TGFBR3: variants seen among roughly 807,000 people sequenced by gnomAD.
TGFBR3 encodes the protein transforming growth factor beta receptor type 3.
In TGFBR3, 46 loss-of-function variants were observed where a neutral mutation model predicts 87.9. The ratio of observed to expected loss-of-function variants is 0.52; its 90% CI spans 0.41 to 0.67. The LOEUF (loss-of-function observed/expected upper bound fraction) is 0.67, where lower values mean the gene tolerates loss of function less well. Among genes scored for constraint, TGFBR3 ranks in the 30% least tolerant of loss-of-function variants. TGFBR3 has a pLI of 0.00. For missense variants in TGFBR3, 866 were observed against 1,041.9 expected (o/e 0.83, Z 2.32); for synonymous variants, 381 against 391.6 (o/e 0.97, Z 0.32).
At chr1:91,822,293 TAAAAAAAAAAAA>T (rs71087974) in intron 2 of TGFBR3, among the ~76,000 whole-genome samples, 1 of 93,338 alleles carries the variant, frequency 1.1e-5, no homozygotes. Context: ...AGCAAAGCAT[TAAAAAAAAAAAA>T]AAAAAAAAAA....
intron 4 of TGFBR3, among the ~76,000 whole-genome samples, chr1:91,740,383 T>TA (rs1236737353): frequency 6.7e-6 from 1 of 148,968 alleles, no homozygotes; most frequent in Non-Finnish European, 1.5e-5. Context: ...TTTTTTTTTT[T>TA]AGATGGAGTC....
At chr1:91,754,577 G>A (rs1043199452) in intron 4 of TGFBR3, among the ~76,000 whole-genome samples, 2 of 152,198 alleles carry the variant, frequency 1.3e-5, no homozygotes, top group African/African-American at 4.8e-5. Flanking sequence ...TGCACCTGCA[G>A]AGAAAACCAA....
At chr1:91,778,889 T>C (rs963291008) in intron 3 of TGFBR3, among the ~76,000 whole-genome samples, 2 of 152,158 alleles carry the variant, frequency 1.3e-5, no homozygotes, top group African/African-American at 4.8e-5. Flanking sequence ...GCTATGACTA[T>C]TTTAAATGGG....
intron 3 of TGFBR3, among the ~76,000 whole-genome samples, chr1:91,769,571 C>A (rs1447169224): frequency 6.6e-6 from 1 of 152,108 alleles, no homozygotes; most frequent in Non-Finnish European, 1.5e-5. Context: ...TTCACTCTAG[C>A]CAGACTTGGA....
chr1:91,726,153 G>A (rs1672542307), intron 7 of TGFBR3, among the ~76,000 whole-genome samples: 1 of 152,132 alleles, frequency 6.6e-6, no homozygotes, highest in South Asian at 2.1e-4. Context: ...TATGAGAGAT[G>A]GGGACATTCA....
At chr1:91,865,636 G>A (rs1183428687) in intron 1 of TGFBR3, among the ~76,000 whole-genome samples, 10 of 152,164 alleles carry the variant, frequency 6.6e-5, no homozygotes, top group Non-Finnish European at 1.5e-4. Context: ...AACTTGGCCG[G>A]GCGCGGTGGC....
At chr1:91,749,318 A>G (rs578069107) in intron 4 of TGFBR3, among the ~76,000 whole-genome samples, 64 of 152,232 alleles carry the variant, frequency 4.2e-4, no homozygotes, top group Non-Finnish European at 7.8e-4. Context: ...CCAGGTATAC[A>G]CTGTGTCATT....
At chr1:91,838,327 T>C (rs1677132580) in intron 2 of TGFBR3, among the ~76,000 whole-genome samples, 1 of 152,224 alleles carries the variant, frequency 6.6e-6, no homozygotes, top group Non-Finnish European at 1.5e-5. Flanking sequence ...AATTTTTAAA[T>C]ATTTATTAAT....
intron 5 of TGFBR3, among the ~76,000 whole-genome samples, chr1:91,731,872 G>T (rs1308134381): frequency 1.3e-5 from 2 of 152,188 alleles, no homozygotes; most frequent in African/African-American, 2.4e-5. Flanking sequence ...TTCAAAAGTT[G>T]ATGTTATTAA....
At chr1:91,860,137 A>G (rs1678124044) in intron 2 of TGFBR3, among the ~76,000 whole-genome samples, 1 of 152,206 alleles carries the variant, frequency 6.6e-6, no homozygotes, top group Non-Finnish European at 1.5e-5. Context: ...TTCCAGCTAC[A>G]TGACACTACG....
intron 7 of TGFBR3, among the ~76,000 whole-genome samples, chr1:91,724,239 GAGGA>G (rs1470597847): frequency 6.6e-6 from 1 of 152,156 alleles, no homozygotes. Flanking sequence ...AAGAAACAAA[GAGGA>G]AGGAAGGAAG....
intron 4 of TGFBR3, among the ~76,000 whole-genome samples, chr1:91,751,622 C>CTTT (rs1005770019): frequency 6.9e-6 from 1 of 145,848 alleles, no homozygotes; most frequent in Non-Finnish European, 1.5e-5. Flanking sequence ...ATATTTGGAC[C>CTTT]TTTTTTTTTT....
intron 3 of TGFBR3, among the ~76,000 whole-genome samples, chr1:91,769,138 A>G (rs2100927100): frequency 1.3e-5 from 2 of 152,306 alleles, no homozygotes; most frequent in Middle Eastern, 6.8e-3. Context: ...AATTGTATCT[A>G]TTCTATCAGA....
intron 2 of TGFBR3, among the ~76,000 whole-genome samples, chr1:91,817,722 C>T (rs1229092376): frequency 6.6e-6 from 1 of 152,066 alleles, no homozygotes; most frequent in Non-Finnish European, 1.5e-5. Flanking sequence ...GAAGGTCAAA[C>T]AAAATACATA....
intron 4 of TGFBR3, among the ~76,000 whole-genome samples, chr1:91,744,117 G>A (rs962246143): frequency 1.3e-4 from 18 of 138,474 alleles, no homozygotes; most frequent in South Asian, 2.2e-4. Context: ...ACGGAGTTTC[G>A]CTCATCACCC....
upstream of TGFBR3, chr1:91,886,377 G>C (rs576874243): frequency 1.2e-5 from 4 of 342,992 alleles, no homozygotes; most frequent in South Asian, 4.3e-5. Context: ...AATGCTGCTC[G>C]AGCCTGTGCT....
Position 91,719,178 on chromosome 1 carries a change from G to A in TGFBR3, c.1566+134C>T, listed in dbSNP as rs1275048763. The A allele has an allele frequency of 2.5e-6, 3 of 1,186,276 alleles. No individual in the cohort carries two copies. In the African/African-American group the frequency reaches 4.5e-5, roughly 18 times the overall value. 73.5% of individuals were successfully genotyped at this position (1,186,276 alleles called of 1,614,324 possible). A position where few individuals can be genotyped will look rare whatever the true frequency, so the allele number is the denominator to read the frequency against. On this transcript the variant is annotated intron_variant, in intron 10 of 16. Coordinates refer to ENST00000212355, the MANE Select transcript of TGFBR3 (RefSeq NM_003243.5). Reference sequence around the variant, plus strand: ...GGTCAAAGTACATCCATTTTGTTGAGAACTGACACTTGGCTTTCTTCAGGC... The same window carrying A: ...GGTCAAAGTACATCCATTTTGTTGAAAACTGACACTTGGCTTTCTTCAGGC...
intron 2 of TGFBR3, among the ~76,000 whole-genome samples, chr1:91,896,923 T>TTC (rs1002592565): frequency 4.0e-5 from 6 of 150,814 alleles, no homozygotes; most frequent in African/African-American, 1.5e-4. Context: ...TTCTTTTCTT[T>TTC]TTTTTTTTTT....
chr1:91,759,153 C>G (rs1357126305), intron 3 of TGFBR3, among the ~76,000 whole-genome samples: 4 of 152,104 alleles, frequency 2.6e-5, no homozygotes, highest in Non-Finnish European at 2.9e-5. Context: ...GGGGTGGGGT[C>G]ATCCCTCTGG....
Sources: gnomAD v4.1 joint callset for allele counts (sites outside exome capture counted in the v4.1 genomes callset) on GRCh38, gnomAD v4.1.1 for gene constraint, MANE v1.5 for transcripts, NCBI Gene and HGNC (gene_info 2026-07-23, HGNC 2026-07-21) for gene names.